Variants in KCNIP1 observed in about 807,000 individuals in gnomAD.
The protein encoded by KCNIP1 is A-type potassium channel modulatory protein KCNIP1.
KCNIP1 carries 18 observed loss-of-function variants against 33.0 expected under a neutral mutation model. The ratio of observed to expected loss-of-function variants is 0.55; its 90% CI spans 0.38 to 0.81. The LOEUF is 0.81. Among genes scored for constraint, KCNIP1 ranks in the 30% least tolerant of loss-of-function variants. The pLI, the probability that KCNIP1 is intolerant of heterozygous loss-of-function variation, is 0.00. For synonymous variants in KCNIP1, 93 were observed against 98.3 expected (o/e 0.95, Z 0.32); for missense variants, 238 against 271.6 (o/e 0.88, Z 0.87).
At chr5:170,581,172 G>T (rs1054032638) in intron 1 of KCNIP1, among the ~76,000 whole-genome samples, 1 of 152,170 alleles carries the variant, frequency 6.6e-6, no homozygotes, top group Admixed American at 6.5e-5. Context: ...CCCATCAGGT[G>T]ATCTGTCATG....
At chr5:170,394,767 G>T (rs978309129) in intron 1 of KCNIP1, among the ~76,000 whole-genome samples, 1 of 152,138 alleles carries the variant, frequency 6.6e-6, no homozygotes, top group Non-Finnish European at 1.5e-5. Flanking sequence ...TCCTTTTGGA[G>T]TCCCCAGTAT....
At chr5:170,622,800 C>T (rs960113662) in intron 1 of KCNIP1, among the ~76,000 whole-genome samples, 3 of 152,092 alleles carry the variant, frequency 2.0e-5, no homozygotes, top group Non-Finnish European at 4.4e-5. Context: ...CCTGCTGACA[C>T]CCTGACTTCA....
intron 1 of KCNIP1, among the ~76,000 whole-genome samples, chr5:170,550,925 C>T (rs1412957949): frequency 2.0e-5 from 3 of 152,188 alleles, no homozygotes; most frequent in Admixed American, 2.0e-4. Context: ...AACTCTTAAG[C>T]TCATCCTTTA....
At chr5:170,428,941 T>C (rs746342674) in intron 1 of KCNIP1, among the ~76,000 whole-genome samples, 1 of 152,058 alleles carries the variant, frequency 6.6e-6, no homozygotes, top group Non-Finnish European at 1.5e-5. Flanking sequence ...AACTTGCTGC[T>C]TCTGGATACC....
At chr5:170,554,700 G>C (rs1756777627) in intron 1 of KCNIP1, among the ~76,000 whole-genome samples, 1 of 152,120 alleles carries the variant, frequency 6.6e-6, no homozygotes, top group South Asian at 2.1e-4. Flanking sequence ...TTCCCAGTTG[G>C]GAAATTCTTT....
At chr5:170,541,164 G>T (rs1756192680) in intron 1 of KCNIP1, among the ~76,000 whole-genome samples, 1 of 152,142 alleles carries the variant, frequency 6.6e-6, no homozygotes, top group Non-Finnish European at 1.5e-5. Flanking sequence ...TATAAAATGG[G>T]CCAATGGTAG....
Position 170,442,959 on chromosome 5 carries a change from A to G in KCNIP1, c.88+88995A>G, listed in dbSNP as rs150063664. On this transcript the variant is annotated intron_variant, in intron 1 of 7. Coordinates refer to the KCNIP1 transcript ENST00000377360. ...TGGAATCAGCCCCAGGCCTATTTGG[A>G]TAGGGGATTCTGGGGTCCTCGTACC... Among the ~76,000 whole-genome samples, 1,340 of 152,268 alleles carry G rather than the reference A, an allele frequency of 8.8e-3. 16 individuals are homozygous for G. Among genetic ancestry groups the G allele is most frequent in the Non-Finnish European group, 0.016 (1,058 of 68,012 alleles).
intron 1 of KCNIP1, among the ~76,000 whole-genome samples, chr5:170,655,822 A>G (rs536909013): frequency 1.3e-5 from 2 of 152,276 alleles, no homozygotes; most frequent in East Asian, 3.9e-4. Flanking sequence ...GGGAAATCCT[A>G]TTCAAGAAAC....
intron 1 of KCNIP1, among the ~76,000 whole-genome samples, chr5:170,671,812 C>T (rs1761936013): frequency 6.6e-6 from 1 of 152,188 alleles, no homozygotes; most frequent in Admixed American, 6.5e-5. Context: ...TATTTTTTAG[C>T]TCTTAATTCT....
intron 1 of KCNIP1, among the ~76,000 whole-genome samples, chr5:170,619,004 A>G (rs534893970): frequency 3.0e-4 from 45 of 152,220 alleles, no homozygotes; most frequent in Admixed American, 1.7e-3. Context: ...CTGCAGGGAA[A>G]CTGTGTGTGT....
rs573103037 is a variant in KCNIP1 at position 170,629,959 on chromosome 5, C to CGG, written c.62-88797_62-88796dup. Among the ~76,000 whole-genome samples, 242 of 152,334 alleles carry CGG rather than the reference C, an allele frequency of 1.6e-3. 1 individual carries two copies. Among genetic ancestry groups the CGG allele is most frequent in the African/African-American group, 5.6e-3 (232 of 41,586 alleles). ...CCTCTTGATGGGGCTGGGGCTGAGGCGGGCAAGGCAGGCAAGTGCTGAACA... is the reference window on the plus strand; with the variant it reads ...CCTCTTGATGGGGCTGGGGCTGAGGCGGGGGCAAGGCAGGCAAGTGCTGAACA... On this transcript the variant is annotated intron_variant, in intron 1 of 7. Coordinates refer to ENST00000328939, the MANE Select transcript of KCNIP1 (RefSeq NM_014592.4).
intron 1 of KCNIP1, among the ~76,000 whole-genome samples, chr5:170,487,841 C>T (rs1007165312): frequency 3.4e-5 from 5 of 148,824 alleles, no homozygotes; most frequent in African/African-American, 1.3e-4. Context: ...TTTTTCTTGC[C>T]CCAGAAAAAA....
chr5:170,652,528 AAAAG>A, intron 1 of KCNIP1, among the ~76,000 whole-genome samples: 1 of 72,458 alleles, frequency 1.4e-5, no homozygotes, highest in Non-Finnish European at 2.8e-5. Flanking sequence ...GAGAAAAGAA[AAAAG>A]AAAAGAAAAG....
chr5:170,403,305 C>G (rs1754954837), intron 1 of KCNIP1, among the ~76,000 whole-genome samples: 1 of 152,198 alleles, frequency 6.6e-6, no homozygotes, highest in Admixed American at 6.5e-5. Flanking sequence ...GGAGCAGATT[C>G]AGTTAGGAAA....
intron 1 of KCNIP1, among the ~76,000 whole-genome samples, chr5:170,670,909 A>AT (rs1554109753): frequency 1.6e-4 from 22 of 134,004 alleles, no homozygotes; most frequent in African/African-American, 4.8e-4. Flanking sequence ...AAACAAAAAA[A>AT]AAAATAAAAA....
intron 1 of KCNIP1, among the ~76,000 whole-genome samples, chr5:170,519,649 G>T (rs1041716006): frequency 9.2e-5 from 14 of 152,138 alleles, no homozygotes; most frequent in African/African-American, 3.4e-4. Flanking sequence ...GACCAAAGTG[G>T]TTTTTGGATT....
chr5:170,604,289 C>G (rs893913814), intron 1 of KCNIP1, among the ~76,000 whole-genome samples: 1 of 152,152 alleles, frequency 6.6e-6, no homozygotes, highest in Non-Finnish European at 1.5e-5. Context: ...TGGGAACATA[C>G]TGGTTCATGA....
rs151027814 is a variant in KCNIP1, at chr5:170,558,904, G to A, written c.61+54271G>A. On this transcript the variant is annotated intron_variant, in intron 1 of 7. Transcript: ENST00000328939. ...ATCTTCTTAGCCCCTAGTAAACTGA[G>A]TGGCTTCAAACAAGTCCCTATCACC... Among the ~76,000 whole-genome samples, 86 of 152,296 alleles carry A rather than the reference G, an allele frequency of 5.6e-4. No homozygotes were observed. In the East Asian group the frequency reaches 9.1e-3, roughly 16 times the overall value.
intron 1 of KCNIP1, among the ~76,000 whole-genome samples, chr5:170,699,557 A>C (rs867329846): frequency 0.091 from 11,531 of 126,594 alleles, 521 homozygotes; most frequent in Middle Eastern, 0.14. Context: ...TTGCTCTGTG[A>C]AAAAAAAAAA....
Sources: allele counts gnomAD v4.1 joint callset (sites outside exome capture counted in the v4.1 genomes callset), GRCh38; gene constraint gnomAD v4.1.1; transcripts MANE v1.5; gene names NCBI Gene and HGNC (gene_info 2026-07-23, HGNC 2026-07-21).